Variants in PRKD1 observed in about 807,000 individuals in gnomAD.
PRKD1 encodes protein kinase D1.
A neutral mutation model predicts 95.9 loss-of-function variants in PRKD1; 63 were observed. That is an observed-to-expected ratio of 0.66 (90% CI 0.54 to 0.81). PRKD1 has a LOEUF of 0.81. Ranked by LOEUF, PRKD1 falls within the 30% of genes least tolerant of loss-of-function variation. PRKD1 has a pLI of 0.00. For synonymous variants in PRKD1, 425 were observed against 423.1 expected, an observed-to-expected ratio of 1.00 and a Z score of -0.05; for missense variants, 1,048 against 1,165.3, an observed-to-expected ratio of 0.90 and a Z score of 1.47.
chr14:29,648,722 T>A (rs554535484), intron 4 of PRKD1, among the ~76,000 whole-genome samples: 1 of 152,194 alleles, frequency 6.6e-6, no homozygotes, highest in South Asian at 2.1e-4. Context: ...TGGTGCGATC[T>A]CGGCTCACTG....
intron 1 of PRKD1, among the ~76,000 whole-genome samples, chr14:29,816,905 T>A (rs758664294): frequency 1.3e-5 from 2 of 152,140 alleles, no homozygotes; most frequent in African/African-American, 2.4e-5. Context: ...CAGCAGAAAA[T>A]ACATATAAAC....
intron 12 of PRKD1, among the ~76,000 whole-genome samples, chr14:29,626,114 G>A (rs2139096203): frequency 6.6e-6 from 1 of 152,180 alleles, no homozygotes; most frequent in South Asian, 2.1e-4. Context: ...CTAATAACAT[G>A]AATGGACTTC....
At chr14:29,621,202 G>T (rs1337199616) in intron 13 of PRKD1, among the ~76,000 whole-genome samples, 1 of 140,902 alleles carries the variant, frequency 7.1e-6, no homozygotes, top group Non-Finnish European at 1.5e-5. Flanking sequence ...TGGGATGGGG[G>T]GAGGGGGGAG....
chr14:29,809,230 T>C (rs1890378072), intron 1 of PRKD1, among the ~76,000 whole-genome samples: 1 of 152,224 alleles, frequency 6.6e-6, no homozygotes, highest in South Asian at 2.1e-4. Context: ...TTTTATTCCA[T>C]TTATGGAGCA....
chr14:29,801,535 A>AT (rs1334741040), intron 1 of PRKD1, among the ~76,000 whole-genome samples: 4 of 152,158 alleles, frequency 2.6e-5, no homozygotes, highest in Non-Finnish European at 5.9e-5. Flanking sequence ...TAAGAAAGTC[A>AT]TTTTTTCTTT....
intron 1 of PRKD1, among the ~76,000 whole-genome samples, chr14:29,922,720 T>TA (rs1895164871): frequency 1.3e-5 from 2 of 151,276 alleles, no homozygotes; most frequent in East Asian, 2.0e-4. Context: ...ATTGTCTGTA[T>TA]AAAAAAATTA....
chr14:29,835,528 C>T (rs1427230852), intron 1 of PRKD1, among the ~76,000 whole-genome samples: 1 of 152,126 alleles, frequency 6.6e-6, no homozygotes, highest in African/African-American at 2.4e-5. Flanking sequence ...ATCTGGTCAC[C>T]TCCAGGCTTT....
intron 1 of PRKD1, among the ~76,000 whole-genome samples, chr14:29,778,421 T>C (rs561193202): frequency 6.6e-6 from 1 of 151,912 alleles, no homozygotes; most frequent in East Asian, 1.9e-4. Context: ...AGAGAGAAGA[T>C]TCAAATAGAC....
intron 1 of PRKD1, among the ~76,000 whole-genome samples, chr14:29,736,947 G>A: frequency 6.6e-6 from 1 of 152,114 alleles, no homozygotes; most frequent in East Asian, 1.9e-4. Flanking sequence ...AATCACAAAA[G>A]GCAAGCAATA....
intron 16 of PRKD1, among the ~76,000 whole-genome samples, chr14:29,585,141 T>C (rs1892875785): frequency 6.6e-6 from 1 of 152,166 alleles, no homozygotes; most frequent in Non-Finnish European, 1.5e-5. Context: ...GCTTGCTTCA[T>C]GCTGATGGGA....
intron 16 of PRKD1, among the ~76,000 whole-genome samples, chr14:29,584,988 G>A (rs1156583498): frequency 6.6e-6 from 1 of 152,098 alleles, no homozygotes; most frequent in African/African-American, 2.4e-5. Flanking sequence ...AAACCAGATA[G>A]AACAATCATT....
chr14:29,748,627 C>A (rs1190842909), intron 1 of PRKD1, among the ~76,000 whole-genome samples: 1 of 152,194 alleles, frequency 6.6e-6, no homozygotes, highest in Non-Finnish European at 1.5e-5. Context: ...CCATTTCCCT[C>A]AGTGTAAGCT....
chr14:29,675,471 T>C (rs1364710251), intron 2 of PRKD1, among the ~76,000 whole-genome samples: 1 of 152,192 alleles, frequency 6.6e-6, no homozygotes, highest in Non-Finnish European at 1.5e-5. Flanking sequence ...ATCATAGACA[T>C]GTAACCTTTT....
chr14:29,667,256 T>A (rs1566526089), intron 2 of PRKD1, among the ~76,000 whole-genome samples: 1 of 152,114 alleles, frequency 6.6e-6, no homozygotes, highest in Non-Finnish European at 1.5e-5. Flanking sequence ...TTCTCATACC[T>A]AAAAAGAGAC....
chr14:29,699,938 ATTC>A (rs1292140555), intron 2 of PRKD1, among the ~76,000 whole-genome samples: 1 of 152,136 alleles, frequency 6.6e-6, no homozygotes, highest in African/African-American at 2.4e-5. Context: ...CTCCTTTATC[ATTC>A]TTCTTTTGGA....
At position 29,599,727 on chromosome 14, in the gene PRKD1, T is replaced by C. The variant is rs1353198858; in HGVS notation, c.1996A>G (p.Met666Val). 2 of 1,613,600 alleles carry C rather than the reference T, an allele frequency of 1.2e-6. No homozygotes were observed. Among genetic ancestry groups the C allele is most frequent in the Admixed American group, 1.7e-5 (1 of 59,990 alleles). Reference sequence around the variant, plus strand: ...TCACTTGACAAGATCATTTCCAGCATGTCTCCATGGAGTTTTTCCATAACA... The same window carrying C: ...TCACTTGACAAGATCATTTCCAGCACGTCTCCATGGAGTTTTTCCATAACA... ...FVVMEKLHGD[M>V]LEMILSSEKG... Residue 666 changes from methionine (M) to valine (V), a missense_variant, in exon 14 of 18, where the codon ATG becomes GTG. Around this residue, in one of 3 missense-constraint regions of PRKD1, gnomAD observed 739 missense variants for 861.9 expected, o/e 0.86. Transcript: ENST00000331968.
intron 2 of PRKD1, among the ~76,000 whole-genome samples, chr14:29,693,149 C>T (rs1376753704): frequency 1.3e-5 from 2 of 152,124 alleles, no homozygotes; most frequent in African/African-American, 2.4e-5. Flanking sequence ...ACAAGCAGTG[C>T]AATTCTGGTA....
rs1891954220 is a variant in PRKD1 at position 29,843,554 on chromosome 14, A to G, written c.264+83695T>C. Among the ~76,000 whole-genome samples, 5 of 152,332 alleles carry G rather than the reference A, an allele frequency of 3.3e-5. No homozygotes were observed. The South Asian group carries it at 1.0e-3, about 32-fold the overall frequency. ...AGAGTCTCTAAAACCACCAATGGAGAGAAAATTCTAAATGGCTAGTCAAAC... is the reference window on the plus strand; with the variant it reads ...AGAGTCTCTAAAACCACCAATGGAGGGAAAATTCTAAATGGCTAGTCAAAC... On this transcript the variant is annotated intron_variant, in intron 1 of 17. Coordinates refer to ENST00000331968, the MANE Select transcript of PRKD1 (RefSeq NM_002742.3).
At chr14:29,586,865 T>TCTGC (rs1227526884) in intron 16 of PRKD1, among the ~76,000 whole-genome samples, 4 of 152,278 alleles carry the variant, frequency 2.6e-5, no homozygotes, top group African/African-American at 9.6e-5. Context: ...CCTCACATGA[T>TCTGC]CTGCCCACCC....
Sources: gnomAD v4.1 joint callset for allele counts (sites outside exome capture counted in the v4.1 genomes callset) on GRCh38, gnomAD v4.1.1 for gene constraint, gnomAD v4.1.1 regional missense constraint, MANE v1.5 for transcripts, NCBI Gene and HGNC (gene_info 2026-07-23, HGNC 2026-07-21) for gene names.